OS9: variants seen among roughly 807,000 people sequenced by gnomAD.
OS9 encodes the protein OS9 endoplasmic reticulum lectin.
OS9 carries 58 observed loss-of-function variants against 84.7 expected under a neutral mutation model. That is an observed-to-expected ratio of 0.68 (90% CI 0.55 to 0.85). The LOEUF (loss-of-function observed/expected upper bound fraction) is 0.85. Ranked by LOEUF, OS9 falls within the 40% of genes least tolerant of loss-of-function variation. The pLI is 0.00. For synonymous variants in OS9, 278 were observed against 320.8 expected, an observed-to-expected ratio of 0.87 and a Z score of 1.43; for missense variants, 760 against 850.9, an observed-to-expected ratio of 0.89 and a Z score of 1.33.
intron 5 of OS9, among the ~76,000 whole-genome samples, chr12:57,696,807 GAAA>G (rs796839432): frequency 1.4e-5 from 2 of 138,100 alleles, no homozygotes; most frequent in Non-Finnish European, 3.2e-5. Context: ...AAAAAGAAAA[GAAA>G]AAAAAAAACC....
At chr12:57,716,599 A>G in intron 8 of OS9, 87 bp downstream of exon 8, 1 of 1,498,842 alleles carries the variant, frequency 6.7e-7, no homozygotes, top group Non-Finnish European at 9.3e-7. Context: ...ACATCTACCT[A>G]GGGATGCAAG....
chr12:57,697,081 A>G (rs924249724), intron 5 of OS9, among the ~76,000 whole-genome samples: 1 of 152,230 alleles, frequency 6.6e-6, no homozygotes, highest in African/African-American at 2.4e-5. Flanking sequence ...GACACCTGCC[A>G]GAGTTATCTT....
intron 5 of OS9, among the ~76,000 whole-genome samples, chr12:57,704,805 A>G (rs575045630): frequency 5.9e-5 from 9 of 152,238 alleles, no homozygotes; most frequent in Admixed American, 3.9e-4. Context: ...TACCTTATAC[A>G]TCTTATGTCT....
rs758813616 is a variant in OS9 at position 57,715,954 on chromosome 12, C to T, written c.774C>T (p.Tyr258=). 53 of 1,611,398 alleles carry T rather than the reference C, an allele frequency of 3.3e-5. 1 individual carries two copies. The highest frequency in any genetic ancestry group is 3.9e-5 in the Non-Finnish European group (46 of 1,178,512). The part of the protein sequence containing the change: ...PSLQPEEYMA[Y]VQRQADSKQY... Reference sequence around the variant, plus strand: ...TACAGCCTGAGGAGTACATGGCCTACGTTCAGAGGCAAGCCGGTGAGTAAT... The same window carrying T: ...TACAGCCTGAGGAGTACATGGCCTATGTTCAGAGGCAAGCCGGTGAGTAAT... The change falls in exon 6 of 15, where the codon TAC becomes TAT. Residue 258 remains tyrosine (Y), a synonymous_variant. Coordinates refer to ENST00000315970, the MANE Select transcript of OS9 (RefSeq NM_006812.4).
intron 5 of OS9, among the ~76,000 whole-genome samples, chr12:57,708,241 A>G (rs1407850084): frequency 2.0e-5 from 3 of 151,622 alleles, no homozygotes; most frequent in Non-Finnish European, 4.4e-5. Context: ...CCTTAAAGAA[A>G]GGTAACCATT....
At chr12:57,702,584 T>A (rs1334625229) in intron 5 of OS9, among the ~76,000 whole-genome samples, 1 of 152,208 alleles carries the variant, frequency 6.6e-6, no homozygotes, top group African/African-American at 2.4e-5. Context: ...TTCTTTTGGG[T>A]CTGTACCTAG....
intron 2 of OS9, 159 bp downstream of exon 2, chr12:57,695,085 T>C: frequency 1.6e-6 from 1 of 635,694 alleles, no homozygotes; most frequent in Non-Finnish European, 2.7e-6. Context: ...AAGCAAAGAA[T>C]CCTGCAACCA....
At chr12:57,701,044 AG>A (rs745328573) in intron 5 of OS9, among the ~76,000 whole-genome samples, 68 of 149,104 alleles carry the variant, frequency 4.6e-4, no homozygotes, top group Non-Finnish European at 7.0e-4. Flanking sequence ...TTGTGCTAAT[AG>A]CTAAAGCCCA....
rs547340854 is a variant in OS9 at position 57,700,026 on chromosome 12, C to T, written c.579+3653C>T. 3.2e-3 allele frequency among the ~76,000 whole-genome samples: 479 copies of T among 151,806 alleles called. 2 individuals carry two copies. Among genetic ancestry groups the T allele is most frequent in the Non-Finnish European group, 5.5e-3 (374 of 67,964 alleles). ...AGGAGAATTGCTTGAACCCGGGAGG[C>T]GGAGGTCGCAGTGAGCTGATATCGC... On this transcript the variant is annotated intron_variant, in intron 5 of 14. Coordinates refer to ENST00000315970, the MANE Select transcript of OS9 (RefSeq NM_006812.4).
rs769133887 is a variant in OS9 at position 57,694,336 on chromosome 12, T to C, written c.162+13T>C. 1.4e-5 allele frequency: 22 copies of C among 1,613,618 alleles called. No homozygotes were observed. Among genetic ancestry groups the C allele is most frequent in the Non-Finnish European group, 1.7e-5 (20 of 1,179,762 alleles). ...CATGGGAGGGCAGGTGAGAGGCGTATAAGGGGCGAGGGTCTGGGCAGAAGA... is the reference window on the plus strand; with the variant it reads ...CATGGGAGGGCAGGTGAGAGGCGTACAAGGGGCGAGGGTCTGGGCAGAAGA... On this transcript the variant is annotated intron_variant, in intron 1 of 14. Transcript: ENST00000315970.
chr12:57,707,964 G>C (rs190181492), intron 5 of OS9, among the ~76,000 whole-genome samples: 1 of 150,614 alleles, frequency 6.6e-6, no homozygotes, highest in Non-Finnish European at 1.5e-5. Flanking sequence ...GTGGTGGCAC[G>C]TGCCTGTGGT....
At chr12:57,714,854 C>G (rs1954436644) in intron 5 of OS9, among the ~76,000 whole-genome samples, 1 of 152,074 alleles carries the variant, frequency 6.6e-6, no homozygotes, top group Non-Finnish European at 1.5e-5. Context: ...GCCTTGGCCT[C>G]CCAAAGTGTT....
At chr12:57,720,007 C>G (rs1954625615) in intron 12 of OS9, 92 bp from the exon 13 acceptor site, 1 of 1,219,198 alleles carries the variant, frequency 8.2e-7, no homozygotes, top group Admixed American at 2.2e-5. Context: ...CTGCCAAAGC[C>G]AACTGATGTT....
chr12:57,720,523 G>C lies in OS9; in HGVS notation c.1878+5G>C. On this transcript the variant is annotated splice_donor_5th_base_variant and intron_variant, in intron 14 of 14. Transcript: ENST00000315970. The stretch of plus-strand genomic sequence containing the variant: ...GAGATCTTCTTCAATATCTTGGTAA[G>C]AGGCTTCTACCCCCGAGTCCTGGCC... 6.3e-7 allele frequency: 1 copy of C among 1,590,846 alleles called. No homozygotes were observed. The highest frequency in any genetic ancestry group is 1.3e-5 in the African/African-American group (1 of 74,608).
At chr12:57,713,927 C>T (rs187260932) in intron 5 of OS9, among the ~76,000 whole-genome samples, 146 of 151,724 alleles carry the variant, frequency 9.6e-4, no homozygotes, top group Non-Finnish European at 1.8e-3. Flanking sequence ...GACAACATAG[C>T]GGGACCCTGT....
Position 57,717,883 on chromosome 12 carries a change from C to T in OS9, c.1059C>T (p.Asn353=), listed in dbSNP as rs142357221. Residue 353 remains asparagine (N), a synonymous_variant, in exon 10 of 15, where the codon AAC becomes AAT. Coordinates refer to ENST00000315970, the MANE Select transcript of OS9 (RefSeq NM_006812.4). ...ASGAPNDFQN[N]VQVKVIRSPA... ...CTTTCATCTCAGATTTTCAGAACAACGTGCAGGTCAAAGTCATTCGAAGCC... is the reference window on the plus strand; with the variant it reads ...CTTTCATCTCAGATTTTCAGAACAATGTGCAGGTCAAAGTCATTCGAAGCC... 9.4e-4 allele frequency: 1,503 copies of T among 1,599,234 alleles called. 9 individuals carry two copies. The highest frequency in any genetic ancestry group is 6.1e-3 in the South Asian group (543 of 89,154).
intron 5 of OS9, among the ~76,000 whole-genome samples, chr12:57,700,011 C>G (rs1212992047): frequency 6.6e-6 from 1 of 152,112 alleles, no homozygotes; most frequent in Non-Finnish European, 1.5e-5. Context: ...AGGAGAATTG[C>G]TTGAACCCGG....
At chr12:57,714,196 G>A (rs1488368941) in intron 5 of OS9, among the ~76,000 whole-genome samples, 2 of 152,034 alleles carry the variant, frequency 1.3e-5, no homozygotes, top group African/African-American at 4.8e-5. Flanking sequence ...GAGTTTAAAT[G>A]CTTTATGTTT....
At chr12:57,720,572 G>A in intron 14 of OS9, 54 bp downstream of exon 14, 2 of 1,409,916 alleles carry the variant, frequency 1.4e-6, no homozygotes, top group Non-Finnish European at 2.0e-6. Flanking sequence ...GAGTGGAGGT[G>A]CGGGCTTGCC....
Sources: gnomAD v4.1 joint callset for allele counts (sites outside exome capture counted in the v4.1 genomes callset) on GRCh38, gnomAD v4.1.1 for gene constraint, MANE v1.5 for transcripts, NCBI Gene and HGNC (gene_info 2026-07-23, HGNC 2026-07-21) for gene names.